Variants in THNSL1 observed in about 807,000 individuals in gnomAD.
The protein encoded by THNSL1 is threonine synthase like 1, also known as threonine synthase-like 1.
A neutral mutation model predicts 50.4 loss-of-function variants in THNSL1; 48 were observed. The ratio of observed to expected loss-of-function variants is 0.95; its 90% CI spans 0.76 to 1.21. The LOEUF is 1.21. Among genes scored for constraint, THNSL1 ranks in the 50% most tolerant of loss-of-function variants. THNSL1 has a pLI of 0.00. For synonymous variants in THNSL1, 309 were observed against 306.1 expected, an observed-to-expected ratio of 1.01 and a Z score of -0.10; for missense variants, 896 against 871.7, an observed-to-expected ratio of 1.03 and a Z score of -0.35.
chr10:25,024,301 C>T lies in THNSL1; in HGVS notation c.1078C>T (p.His360Tyr). ...AGATTTGTCTTTACAGCTTATGCCT[C>T]ATATTTTTGCACACTGTATCCCACC... ...FKDLSLQLMP[H>Y]IFAHCIPPSC... Residue 360 changes from histidine (H) to tyrosine (Y), a missense_variant, in exon 3 of 3, where the codon CAT (histidine) becomes TAT (tyrosine). His to Tyr is a moderately conservative substitution (Grantham distance 83). Coordinates refer to ENST00000376356, the MANE Select transcript of THNSL1 (RefSeq NM_024838.5). The T allele has an allele frequency of 1.2e-6, 2 of 1,614,154 alleles. No homozygotes were observed. Among genetic ancestry groups the T allele is most frequent in the South Asian group, 1.1e-5 (1 of 91,084 alleles).
the THNSL1 span, among the ~76,000 whole-genome samples, chr10:24,995,156 T>C: frequency 6.6e-6 from 1 of 150,842 alleles, no homozygotes; most frequent in Non-Finnish European, 1.5e-5. Flanking sequence ...ACCAAATAAA[T>C]ATATTCATGT....
chr10:24,969,016 C>G, the THNSL1 span, among the ~76,000 whole-genome samples: 4 of 152,198 alleles, frequency 2.6e-5, no homozygotes, highest in South Asian at 8.3e-4. Flanking sequence ...GTCTCAGCCT[C>G]CAGAGTAGCT....
chr10:24,988,238 A>G, the THNSL1 span, among the ~76,000 whole-genome samples: 1 of 145,544 alleles, frequency 6.9e-6, no homozygotes, highest in Non-Finnish European at 1.5e-5. Context: ...AAAAATGTAT[A>G]TATATATATA....
At chr10:24,970,841 C>A in the THNSL1 span, among the ~76,000 whole-genome samples, 4 of 151,946 alleles carry the variant, frequency 2.6e-5, no homozygotes, top group Admixed American at 2.6e-4. Context: ...CTGGCCAACA[C>A]GGTGAAACCC....
chr10:24,979,059 G>A, the THNSL1 span, among the ~76,000 whole-genome samples: 2 of 152,128 alleles, frequency 1.3e-5, no homozygotes, highest in African/African-American at 2.4e-5. Flanking sequence ...CTCTTACTTG[G>A]AGTAACCAGT....
At chr10:24,968,474 C>A in the THNSL1 span, among the ~76,000 whole-genome samples, 2 of 152,266 alleles carry the variant, frequency 1.3e-5, no homozygotes, top group African/African-American at 2.4e-5. Flanking sequence ...GAGCTAACAT[C>A]CTCCTTGGGT....
At chr10:25,013,617 G>T (rs922453358), upstream of THNSL1, among the ~76,000 whole-genome samples, 6 of 152,230 alleles carry the variant, frequency 3.9e-5, no homozygotes, top group African/African-American at 1.4e-4. Context: ...AAGAGGGGAT[G>T]ACTGGAGATA....
the THNSL1 span, among the ~76,000 whole-genome samples, chr10:24,965,200 G>A: frequency 4.6e-5 from 7 of 152,110 alleles, no homozygotes; most frequent in Non-Finnish European, 8.8e-5. Flanking sequence ...TGTGATCTTG[G>A]GACTCACAAC....
chr10:24,964,536 A>G, the THNSL1 span, among the ~76,000 whole-genome samples: 1 of 152,266 alleles, frequency 6.6e-6, no homozygotes, highest in Non-Finnish European at 1.5e-5. Flanking sequence ...TCTTTTTAAT[A>G]TAAAATCAAT....
the THNSL1 span, among the ~76,000 whole-genome samples, chr10:24,967,538 A>G: frequency 9.9e-5 from 15 of 152,040 alleles, no homozygotes; most frequent in African/African-American, 3.6e-4. Context: ...TTCAATGTTT[A>G]GGTCCTCAAA....
At chr10:25,004,622 T>C in the THNSL1 span, among the ~76,000 whole-genome samples, 1 of 152,336 alleles carries the variant, frequency 6.6e-6, no homozygotes, top group Non-Finnish European at 1.5e-5. Flanking sequence ...TTTGTTTTGT[T>C]CTTGTAAATT....
chr10:25,017,027 C>T (rs111832741), intron 1 of THNSL1, among the ~76,000 whole-genome samples: 4,408 of 152,292 alleles, frequency 0.029, 145 homozygotes, highest in African/African-American at 0.079. Flanking sequence ...CGCCCTCCCG[C>T]CCCTGCTCCC....
At chr10:24,954,023 A>C in the THNSL1 span, among the ~76,000 whole-genome samples, 1 of 152,138 alleles carries the variant, frequency 6.6e-6, no homozygotes, top group Non-Finnish European at 1.5e-5. Context: ...TTCTCCTAGT[A>C]ATTGTGAGAG....
Position 25,025,718 on chromosome 10 carries a change from A to C in THNSL1, c.*263A>C. On this transcript the variant is annotated 3_prime_UTR_variant, in exon 3 of 3. Transcript: ENST00000376356. ...CCTTCTGCTCATGAGGGGTGTATCA[A>C]TTTCCACTCCCACACCCTCACTGTT... The C allele has an allele frequency of 2.6e-6, 1 of 388,596 alleles. No homozygotes were observed. The highest frequency in any genetic ancestry group is 4.5e-5 in the East Asian group (1 of 22,230). The allele number at this position is 388,596 out of a possible 1,614,324, so 24.1% of individuals were successfully genotyped here. A position where few individuals can be genotyped will look rare whatever the true frequency, so the allele number is the denominator to read the frequency against.
At chr10:24,970,047 G>T in the THNSL1 span, among the ~76,000 whole-genome samples, 1 of 152,208 alleles carries the variant, frequency 6.6e-6, no homozygotes, top group African/African-American at 2.4e-5. Context: ...CTCATTTCCT[G>T]AAGCTCTTCT....
the THNSL1 span, among the ~76,000 whole-genome samples, chr10:24,966,707 T>A: frequency 2.0e-5 from 3 of 152,220 alleles, no homozygotes; most frequent in African/African-American, 7.2e-5. Flanking sequence ...TTTATGGGCA[T>A]CCACACTCTC....
chr10:25,003,082 C>T, the THNSL1 span, among the ~76,000 whole-genome samples: 2 of 152,016 alleles, frequency 1.3e-5, no homozygotes, highest in African/African-American at 4.8e-5. Flanking sequence ...ACAAAAATAA[C>T]ATTAAGTAAA....
In THNSL1 at chr10:25,018,659, G is replaced by GTTTTTTTTTTTTTTTTTTTTTTTTTT. The variant is rs374289213; in HGVS notation, c.-216+1987_-216+1988insTTTTTTTTTTTTTTTTTTTTTTTTTT. Among the ~76,000 whole-genome samples, 6 of 93,716 alleles carry GTTTTTTTTTTTTTTTTTTTTTTTTTT rather than the reference G, an allele frequency of 6.4e-5. 3 individuals are homozygous for GTTTTTTTTTTTTTTTTTTTTTTTTTT. The highest frequency in any genetic ancestry group is 8.8e-5 in the Non-Finnish European group (4 of 45,314). The allele number at this position is 93,716 out of a possible 152,430, so 61.5% of individuals were successfully genotyped here. A position where few individuals can be genotyped will look rare whatever the true frequency, so the allele number is the denominator to read the frequency against. On this transcript the variant is annotated intron_variant, in intron 1 of 2. Coordinates refer to ENST00000376356, the MANE Select transcript of THNSL1 (RefSeq NM_024838.5). Reference sequence around the variant, plus strand: ...TGATGTACATAAACAAATGAGAGTTGTTTTTTTTTTTTTTTTTTTTGCGAA... The same window carrying GTTTTTTTTTTTTTTTTTTTTTTTTTT: ...TGATGTACATAAACAAATGAGAGTTGTTTTTTTTTTTTTTTTTTTTTTTTTTTTTTTTTTTTTTTTTTTTTTGCGAA...
the THNSL1 span, among the ~76,000 whole-genome samples, chr10:25,004,772 C>T: frequency 6.6e-6 from 1 of 152,030 alleles, no homozygotes; most frequent in South Asian, 2.1e-4. Context: ...TAATTAGATC[C>T]CATATGTCAA....
Sources: allele counts gnomAD v4.1 joint callset (sites outside exome capture counted in the v4.1 genomes callset), GRCh38; gene constraint gnomAD v4.1.1; transcripts MANE v1.5; gene names NCBI Gene and HGNC (gene_info 2026-07-23, HGNC 2026-07-21).